Variants in NAV3 observed in about 807,000 individuals in gnomAD.
NAV3 encodes the protein pore membrane and/or filament interacting like protein 1.
NAV3 carries 87 observed loss-of-function variants against 244.7 expected under a neutral mutation model. That is an observed-to-expected ratio of 0.36 (90% CI 0.30 to 0.42). NAV3 has a LOEUF of 0.42. NAV3 is among the 20% of genes least tolerant of loss of function. The pLI is 1.00. For missense variants in NAV3, 2,663 were observed against 2,893.3 expected (o/e 0.92, Z 1.83); for synonymous variants, 1,126 against 1,042.2 (o/e 1.08, Z -1.55).
At chr12:78,070,891 T>C (rs1386050500) in intron 12 of NAV3, among the ~76,000 whole-genome samples, 14 of 148,670 alleles carry the variant, frequency 9.4e-5, no homozygotes, top group African/African-American at 3.5e-4. Flanking sequence ...CTCATCATTT[T>C]TTATGGCTGC....
intron 2 of NAV3, among the ~76,000 whole-genome samples, chr12:77,821,003 G>A (rs1005824716): frequency 6.6e-6 from 1 of 151,674 alleles, no homozygotes; most frequent in Non-Finnish European, 1.5e-5. Flanking sequence ...GAGGTATCTA[G>A]CTGAATCTCT....
At chr12:77,732,697 C>A (rs1233866970) in intron 2 of NAV3, among the ~76,000 whole-genome samples, 2 of 152,008 alleles carry the variant, frequency 1.3e-5, no homozygotes, top group Non-Finnish European at 2.9e-5. Context: ...TATAGTTTAA[C>A]TGGCAAAGGT....
chr12:77,827,259 A>AC (rs1873105805), upstream of NAV3, among the ~76,000 whole-genome samples: 2 of 150,248 alleles, frequency 1.3e-5, no homozygotes, highest in Non-Finnish European at 3.0e-5. Flanking sequence ...AAAAAAAAAA[A>AC]AAGTAATGTG....
intron 38 of NAV3, among the ~76,000 whole-genome samples, chr12:78,204,542 G>C (rs1214874569): frequency 6.6e-6 from 1 of 152,000 alleles, no homozygotes; most frequent in Non-Finnish European, 1.5e-5. Flanking sequence ...CTTTAGTAGA[G>C]AACTCTACTT....
At chr12:78,177,068 C>A in intron 26 of NAV3, 73 bp from the exon 27 acceptor site, 2 of 1,556,008 alleles carry the variant, frequency 1.3e-6, no homozygotes, top group Non-Finnish European at 1.8e-6. Flanking sequence ...ATGGCATCTG[C>A]AAACTAACGC....
chr12:77,917,035 A>G (rs1887214151), intron 1 of NAV3, among the ~76,000 whole-genome samples: 1 of 152,038 alleles, frequency 6.6e-6, no homozygotes, highest in South Asian at 2.1e-4. Context: ...TAAACATAGC[A>G]TTATTATATA....
At chr12:77,898,008 G>A (rs988107528) in intron 1 of NAV3, among the ~76,000 whole-genome samples, 1 of 152,096 alleles carries the variant, frequency 6.6e-6, no homozygotes, top group Non-Finnish European at 1.5e-5. Context: ...ATATTTGTTT[G>A]ATGATTTGCT....
chr12:77,848,022 A>G (rs1876917383), intron 1 of NAV3, among the ~76,000 whole-genome samples: 1 of 152,212 alleles, frequency 6.6e-6, no homozygotes, highest in Non-Finnish European at 1.5e-5. Context: ...ACTCTCTCCA[A>G]AAGACTTGGC....
intron 2 of NAV3, among the ~76,000 whole-genome samples, chr12:77,707,763 G>A (rs1218836560): frequency 6.6e-6 from 1 of 152,166 alleles, no homozygotes; most frequent in African/African-American, 2.4e-5. Context: ...TTTAACTGGT[G>A]TGAGATGGTA....
chr12:77,948,457 A>T (rs764021903), intron 3 of NAV3, among the ~76,000 whole-genome samples: 2 of 151,906 alleles, frequency 1.3e-5, no homozygotes, highest in Non-Finnish European at 2.9e-5. Context: ...TATATCTTTG[A>T]ATATTGACCA....
intron 1 of NAV3, among the ~76,000 whole-genome samples, chr12:77,921,442 C>A (rs770235647): frequency 5.3e-5 from 8 of 152,030 alleles, no homozygotes; most frequent in East Asian, 1.9e-4. Flanking sequence ...CGAGAAGTAG[C>A]CATACTTACA....
chr12:78,062,044 A>G (rs1422469864), intron 12 of NAV3, among the ~76,000 whole-genome samples: 2 of 152,152 alleles, frequency 1.3e-5, no homozygotes, highest in Non-Finnish European at 2.9e-5. Flanking sequence ...GATTATTTTC[A>G]AAGCATATCT....
chr12:78,124,748 C>T (rs1043604659), intron 16 of NAV3, among the ~76,000 whole-genome samples: 1 of 152,078 alleles, frequency 6.6e-6, no homozygotes, highest in African/African-American at 2.4e-5. Context: ...GCCGTGGCAC[C>T]AGCCTGAAAT....
rs982419647 is a variant in NAV3 at position 77,924,466 on chromosome 12, A to G, written c.244-15853A>G. Among the ~76,000 whole-genome samples the G allele has an allele frequency of 5.5e-4, 84 of 152,220 alleles. 1 individual carries two copies. Among genetic ancestry groups the G allele is most frequent in the African/African-American group, 2.0e-3 (81 of 41,522 alleles). Reference sequence around the variant, plus strand: ...GCACAAATTTTGGTGAACAGTGAAAATGTAATAGGTTCTCTCATGAGGGGT... The same window carrying G: ...GCACAAATTTTGGTGAACAGTGAAAGTGTAATAGGTTCTCTCATGAGGGGT... On this transcript the variant is annotated intron_variant, in intron 1 of 39. Coordinates refer to ENST00000397909, the MANE Select transcript of NAV3 (RefSeq NM_001024383.2).
At chr12:78,130,678 A>G (rs1956124052) in intron 18 of NAV3, 1 of 152,582 alleles carries the variant, frequency 6.6e-6, no homozygotes, top group Non-Finnish European at 1.5e-5. Flanking sequence ...CTGCTCTTTA[A>G]TGACTGCGTA....
intron 1 of NAV3, among the ~76,000 whole-genome samples, chr12:77,894,342 T>C (rs1033217851): frequency 6.6e-6 from 1 of 152,196 alleles, no homozygotes; most frequent in African/African-American, 2.4e-5. Context: ...GTTATTATAG[T>C]CTTTAAATCT....
At chr12:77,812,855 C>T (rs1410032166) in intron 2 of NAV3, among the ~76,000 whole-genome samples, 2 of 152,100 alleles carry the variant, frequency 1.3e-5, no homozygotes, top group South Asian at 4.1e-4. Flanking sequence ...GAGACAGAGT[C>T]TCACTCTGTC....
At chr12:77,870,357 C>T (rs1325120066) in intron 1 of NAV3, among the ~76,000 whole-genome samples, 4 of 127,096 alleles carry the variant, frequency 3.1e-5, no homozygotes, top group Non-Finnish European at 6.8e-5. Context: ...GAGTGAGACT[C>T]CATCTCAAAA....
chr12:77,763,739 A>C (rs906360786), intron 2 of NAV3, among the ~76,000 whole-genome samples: 1 of 152,192 alleles, frequency 6.6e-6, no homozygotes, highest in Non-Finnish European at 1.5e-5. Flanking sequence ...AGGTCACCAA[A>C]TCCTGAGATA....
Sources: gnomAD v4.1 joint callset for allele counts (sites outside exome capture counted in the v4.1 genomes callset) on GRCh38, gnomAD v4.1.1 for gene constraint, MANE v1.5 for transcripts, NCBI Gene and HGNC (gene_info 2026-07-23, HGNC 2026-07-21) for gene names.